PRKCZ: variants seen among roughly 807,000 people sequenced by gnomAD.
The protein encoded by PRKCZ is protein kinase C zeta type.
A neutral mutation model predicts 79.5 loss-of-function variants in PRKCZ; 33 were observed. The ratio of observed to expected loss-of-function variants is 0.41; its 90% CI spans 0.31 to 0.55. PRKCZ has a LOEUF of 0.55. Among genes scored for constraint, PRKCZ ranks in the 20% least tolerant of loss-of-function variants. PRKCZ has a pLI of 0.19. For missense variants in PRKCZ, 578 were observed against 813.5 expected (o/e 0.71, Z 3.52); for synonymous variants, 342 against 320.9 (o/e 1.07, Z -0.70).
chr1:2,150,776 T>A lies in PRKCZ; in HGVS notation c.688-14T>A, dbSNP rs749564430. On this transcript the variant is annotated splice_polypyrimidine_tract_variant and intron_variant, in intron 8 of 17. Transcript: ENST00000378567. ...CCCCCTCTCACTTTCTGGGGTCTTG[T>A]TCTCCCTCCCTAGGACCTTAAGCCA... is the stretch of plus-strand genomic sequence containing the variant. 11 of 1,607,986 alleles carry A rather than the reference T, an allele frequency of 6.8e-6. No individual in the cohort carries two copies. In the African/African-American group the frequency reaches 1.5e-4, roughly 22 times the overall value.
At chr1:2,111,437 G>C (rs1669726039) in intron 4 of PRKCZ, among the ~76,000 whole-genome samples, 1 of 151,892 alleles carries the variant, frequency 6.6e-6, no homozygotes, top group Non-Finnish European at 1.5e-5. Flanking sequence ...CACGCAACAA[G>C]GGGTGCACCT....
chr1:2,050,677 T>C lies in PRKCZ; in HGVS notation c.47T>C (p.Val16Ala), dbSNP rs1659555574. 6 of 1,223,004 alleles carry C rather than the reference T, an allele frequency of 4.9e-6. No homozygotes were observed. The highest frequency in any genetic ancestry group is 4.1e-5 in the South Asian group (1 of 24,244). 75.8% of individuals were successfully genotyped at this position (1,223,004 alleles called of 1,614,324 possible). A position where few individuals can be genotyped will look rare whatever the true frequency, so the allele number is the denominator to read the frequency against. Residue 16 changes from valine to alanine, a missense_variant, in exon 1 of 18, where the codon GTC (valine) becomes GCC (alanine). Transcript: ENST00000378567. ...AAGATGGAAGGGAGCGGCGGCCGCGTCCGCCTCAAGGCGCATTACGGGGGG... is the reference window on the plus strand; with the variant it reads ...AAGATGGAAGGGAGCGGCGGCCGCGCCCGCCTCAAGGCGCATTACGGGGGG... ...GPKMEGSGGR[V>A]RLKAHYGGDI...
rs1215552935 is a variant in PRKCZ, at chr1:2,082,387, G to A, written c.334+22796G>A. ...GGCTGCCGTAGACAGAGTGAAGTCT[G>A]GTAGTTTGTGTTTATTTATTTATCT... On this transcript the variant is annotated intron_variant, in intron 4 of 17. Transcript: ENST00000378567. This position sits in a 1 kb window ranked among gnomAD's most constrained non-coding sequence, Gnocchi z 4.4. 4.4e-6 allele frequency: 2 copies of A among 456,306 alleles called. No homozygotes were observed. The highest frequency in any genetic ancestry group is 1.5e-5 in the South Asian group (1 of 64,572). 28.3% of individuals were successfully genotyped at this position (456,306 alleles called of 1,614,324 possible).
chr1:2,133,281 G>T (rs910158000), intron 4 of PRKCZ, among the ~76,000 whole-genome samples: 1 of 145,702 alleles, frequency 6.9e-6, no homozygotes, highest in Non-Finnish European at 1.5e-5. Flanking sequence ...CCCCACAGCT[G>T]TGTGACCGCC....
At chr1:2,057,370 G>A (rs1344011454) in intron 3 of PRKCZ, among the ~76,000 whole-genome samples, 8 of 152,322 alleles carry the variant, frequency 5.3e-5, no homozygotes, top group Middle Eastern at 6.8e-3. Context: ...GTGGCCAGCC[G>A]GTCACGTCTT....
rs140044325 is a variant in PRKCZ, at chr1:2,178,052, A to G, written c.1575+2739A>G. ...TCAGCAGGGTTGGTGTGGGGTCACC[A>G]CCACCCCCATGTGACCTTGGCAGAA... On this transcript the variant is annotated intron_variant, in intron 16 of 17. Coordinates refer to ENST00000378567, the MANE Select transcript of PRKCZ (RefSeq NM_002744.6). The surrounding 1 kb of genome is among the most constrained non-coding windows in gnomAD (Gnocchi z 4.3). 3.4e-4 allele frequency among the ~76,000 whole-genome samples: 52 copies of G among 152,230 alleles called. No homozygotes were observed. The highest frequency in any genetic ancestry group is 1.1e-3 in the African/African-American group (46 of 41,550).
intron 11 of PRKCZ, among the ~76,000 whole-genome samples, chr1:2,170,263 T>A (rs956150366): frequency 2.0e-5 from 3 of 152,118 alleles, no homozygotes; most frequent in Admixed American, 6.5e-5. Context: ...GCCTCCAGCA[T>A]GGTTCAGGAG....
intron 9 of PRKCZ, among the ~76,000 whole-genome samples, chr1:2,154,330 C>T (rs969870374): frequency 2.0e-5 from 3 of 152,000 alleles, no homozygotes; most frequent in Admixed American, 6.6e-5. Flanking sequence ...GAGCTCTCGG[C>T]GTGGAAAGAT....
At chr1:2,108,609 C>G (rs947929219) in intron 4 of PRKCZ, among the ~76,000 whole-genome samples, 2 of 152,244 alleles carry the variant, frequency 1.3e-5, no homozygotes, top group Admixed American at 6.5e-5. Context: ...CAGCCCCTCT[C>G]TCTCCAGCCA....
intron 17 of PRKCZ, 106 bp downstream of exon 17, chr1:2,184,804 C>G: frequency 7.2e-7 from 1 of 1,380,136 alleles, no homozygotes; most frequent in Non-Finnish European, 1.0e-6. Context: ...GTCCCACCCG[C>G]CTGGTGTCAT....
intron 5 of PRKCZ, among the ~76,000 whole-genome samples, chr1:2,139,769 G>A (rs1046546243): frequency 3.9e-5 from 6 of 152,194 alleles, no homozygotes; most frequent in Non-Finnish European, 7.3e-5. Flanking sequence ...CCCGTCATTC[G>A]GAGGTTTGTG....
chr1:2,080,784 C>T (rs1301225618), intron 4 of PRKCZ, among the ~76,000 whole-genome samples: 3 of 152,206 alleles, frequency 2.0e-5, no homozygotes, highest in Non-Finnish European at 4.4e-5. Flanking sequence ...TTGGCCGTCA[C>T]GTCTCCTTAG....
intron 4 of PRKCZ, among the ~76,000 whole-genome samples, chr1:2,103,122 C>A (rs1315763444): frequency 6.6e-6 from 1 of 152,178 alleles, no homozygotes; most frequent in South Asian, 2.1e-4. Context: ...ACTTCGCCCG[C>A]CCAAAGTACT....
At position 2,075,169 on chromosome 1, in the gene PRKCZ, A is replaced by C. The variant is rs542143679; in HGVS notation, c.334+15578A>C. 6.6e-6 allele frequency: 1 copy of C among 152,284 alleles called. No individual in the cohort carries two copies. The highest frequency in any genetic ancestry group is 2.1e-4 in the South Asian group (1 of 4,818). 9.4% of individuals were successfully genotyped at this position (152,284 alleles called of 1,614,324 possible). On this transcript the variant is annotated intron_variant, in intron 4 of 17. Transcript: ENST00000378567. The surrounding 1 kb of genome is among the most constrained non-coding windows in gnomAD (Gnocchi z 4.8). ...GAGAGACGGAGCTGGGGTGGTTTTC[A>C]CACGTGCGCCTGCCTGCGAGGAGAA... is the stretch of plus-strand genomic sequence containing the variant.
rs1291990331 is a variant in PRKCZ at position 2,168,454 on chromosome 1, T to C, written c.975-1064T>C. On this transcript the variant is annotated intron_variant, in intron 10 of 17. Transcript: ENST00000378567. The surrounding 1 kb of genome is among the most constrained non-coding windows in gnomAD (Gnocchi z 4.7). Reference sequence around the variant, plus strand: ...TCTTCAGGGTGCCCGACTGGCCACGTGGACGTCTCTCCAGCTCCTCACTTG... The same window carrying C: ...TCTTCAGGGTGCCCGACTGGCCACGCGGACGTCTCTCCAGCTCCTCACTTG... Among the ~76,000 whole-genome samples the C allele has an allele frequency of 2.6e-5, 4 of 152,214 alleles. No homozygotes were observed. The highest frequency in any genetic ancestry group is 5.9e-5 in the Non-Finnish European group (4 of 68,034).
At chr1:2,105,168 T>G (rs1191360594) in intron 4 of PRKCZ, among the ~76,000 whole-genome samples, 1 of 152,202 alleles carries the variant, frequency 6.6e-6, no homozygotes, top group African/African-American at 2.4e-5. Context: ...GGCCATGCTG[T>G]TCCTTCCAAA....
chr1:2,137,524 C>T (rs1187013275), intron 5 of PRKCZ, among the ~76,000 whole-genome samples: 2 of 152,222 alleles, frequency 1.3e-5, no homozygotes, highest in East Asian at 1.9e-4. Context: ...CTGGTAGCTG[C>T]GGGCAGCCTT....
intron 16 of PRKCZ, among the ~76,000 whole-genome samples, chr1:2,179,427 G>A (rs1001291940): frequency 1.3e-5 from 2 of 152,218 alleles, no homozygotes; most frequent in African/African-American, 4.8e-5. Flanking sequence ...ACACTGCAAA[G>A]CCTGAGTATT....
At chr1:2,175,460 TCCAACCCTCACCCCACCACCAAC>T in intron 16 of PRKCZ, 147 bp downstream of exon 16, 1 of 560,340 alleles carries the variant, frequency 1.8e-6, no homozygotes, top group Non-Finnish European at 3.0e-6. Context: ...CCCAAATTCA[TCCAACCCTCACCCCACCACCAAC>T]CCAACCCCCA....
Sources: gnomAD v4.1 joint callset for allele counts (sites outside exome capture counted in the v4.1 genomes callset) on GRCh38, gnomAD v4.1.1 for gene constraint, Gnocchi (gnomAD v3.1) non-coding constraint, MANE v1.5 for transcripts, NCBI Gene and HGNC (gene_info 2026-07-23, HGNC 2026-07-21) for gene names.